The following MARCHF11 variants were observed in gnomAD, a reference collection of about 807,000 sequenced individuals.
MARCHF11 encodes the protein E3 ubiquitin-protein ligase MARCHF11.
A neutral mutation model predicts 37.3 loss-of-function variants in MARCHF11; 29 were observed. The observed-to-expected ratio is 0.78, with a 90% CI of 0.58 to 1.06. The LOEUF (loss-of-function observed/expected upper bound fraction) is 1.06. MARCHF11 is among the 50% of genes least tolerant of loss of function. The pLI, the probability that MARCHF11 is intolerant of heterozygous loss-of-function variation, is 0.00. For missense variants in MARCHF11, 482 were observed against 533.4 expected (o/e 0.90, Z 0.95); for synonymous variants, 233 against 228.0 (o/e 1.02, Z -0.20).
At chr5:16,142,572 T>C (rs923112065) in intron 2 of MARCHF11, among the ~76,000 whole-genome samples, 2 of 152,154 alleles carry the variant, frequency 1.3e-5, no homozygotes, top group African/African-American at 2.4e-5. Context: ...TATGGTGAGC[T>C]GTACAGTCTT....
chr5:16,126,162 A>G (rs1311277011), intron 2 of MARCHF11, among the ~76,000 whole-genome samples: 1 of 152,204 alleles, frequency 6.6e-6, no homozygotes, highest in Non-Finnish European at 1.5e-5. Flanking sequence ...ATTGTTAATG[A>G]AGGGATAAAG....
Position 16,091,001 on chromosome 5 carries a change from A to G in MARCHF11, c.774T>C (p.Ser258=), listed in dbSNP as rs1332763613. 2 of 1,612,036 alleles carry G rather than the reference A, an allele frequency of 1.2e-6. No homozygotes were observed. Among genetic ancestry groups the G allele is most frequent in the South Asian group, 2.2e-5 (2 of 90,764 alleles). ...AGGCTGACCAGAGGAGCCAAGTCAC[A>G]CTGGCTATTAAGAACAGGGATCCTA... ...VILGSLFLIA[S]VTWLLWSAFS... Residue 258 remains serine (S), a synonymous_variant, in exon 3 of 4, where the codon AGT becomes AGC. Coordinates refer to ENST00000332432, the MANE Select transcript of MARCHF11 (RefSeq NM_001102562.3).
At chr5:16,106,927 C>T (rs553857041) in intron 2 of MARCHF11, among the ~76,000 whole-genome samples, 35 of 152,240 alleles carry the variant, frequency 2.3e-4, no homozygotes, top group African/African-American at 8.2e-4. Flanking sequence ...GTCATATATT[C>T]TCACTCCTAC....
chr5:16,095,234 C>T (rs1261003650), intron 2 of MARCHF11, among the ~76,000 whole-genome samples: 2 of 152,168 alleles, frequency 1.3e-5, no homozygotes, highest in Non-Finnish European at 2.9e-5. Flanking sequence ...AGCTGTGAGT[C>T]ATTCCCTGCT....
At chr5:16,114,063 G>A (rs1560978699) in intron 2 of MARCHF11, among the ~76,000 whole-genome samples, 1 of 152,186 alleles carries the variant, frequency 6.6e-6, no homozygotes, top group East Asian at 1.9e-4. Context: ...TCTGTGCCTG[G>A]CTTATTTCAG....
chr5:16,133,378 G>C (rs986536896), intron 2 of MARCHF11, among the ~76,000 whole-genome samples: 1 of 152,140 alleles, frequency 6.6e-6, no homozygotes, highest in Non-Finnish European at 1.5e-5. Flanking sequence ...TCAGAGATCA[G>C]CCAGCCGCCA....
chr5:16,146,247 G>A (rs1737793635), intron 2 of MARCHF11, among the ~76,000 whole-genome samples: 1 of 152,120 alleles, frequency 6.6e-6, no homozygotes, highest in Admixed American at 6.5e-5. Flanking sequence ...GTGTCCCTAT[G>A]ACCTCTCGCA....
At chr5:16,146,152 C>T (rs1027076543) in intron 2 of MARCHF11, among the ~76,000 whole-genome samples, 2 of 152,284 alleles carry the variant, frequency 1.3e-5, no homozygotes, top group African/African-American at 2.4e-5. Context: ...TCTTCAGTCA[C>T]GAGTGGGTGA....
chr5:16,131,703 C>T (rs1341603654), intron 2 of MARCHF11, among the ~76,000 whole-genome samples: 3 of 152,144 alleles, frequency 2.0e-5, no homozygotes, highest in Non-Finnish European at 4.4e-5. Flanking sequence ...TGGTGGTCTC[C>T]CAGATCCATT....
chr5:16,179,601 C>G lies in MARCHF11; in HGVS notation c.-26G>C, dbSNP rs1738438593. 1 of 1,106,846 alleles carries G rather than the reference C, an allele frequency of 9.0e-7. No homozygotes were observed. Among genetic ancestry groups the G allele is most frequent in the Admixed American group, 5.1e-5 (1 of 19,448 alleles). The allele number at this position is 1,106,846 out of a possible 1,614,324, so 68.6% of individuals were successfully genotyped here. A position where few individuals can be genotyped will look rare whatever the true frequency, so the allele number is the denominator to read the frequency against. ...GGTTGTGCCGCCGCCGCCCTCCTGC[C>G]GGCCCGGCTGGCGGGCCGGGCTCTG... On this transcript the variant is annotated 5_prime_UTR_variant, in exon 1 of 4. Transcript: ENST00000332432.
At chr5:16,174,636 T>C (rs931182146) in intron 2 of MARCHF11, among the ~76,000 whole-genome samples, 1 of 152,238 alleles carries the variant, frequency 6.6e-6, no homozygotes, top group African/African-American at 2.4e-5. Flanking sequence ...CTTGTGAAAG[T>C]GCTTGAGGAT....
chr5:16,116,639 T>TA (rs1193269117), intron 2 of MARCHF11, among the ~76,000 whole-genome samples: 2,596 of 146,200 alleles, frequency 0.018, 65 homozygotes, highest in African/African-American at 0.06. Flanking sequence ...CTACTGGGAT[T>TA]AAAAAAAAAA....
chr5:16,107,647 G>C (rs990627069), intron 2 of MARCHF11, among the ~76,000 whole-genome samples: 8 of 152,018 alleles, frequency 5.3e-5, no homozygotes, highest in African/African-American at 1.7e-4. Context: ...GTGACAACAG[G>C]CATTCTTGTT....
intron 3 of MARCHF11, among the ~76,000 whole-genome samples, chr5:16,077,840 G>A (rs962129363): frequency 5.3e-5 from 8 of 152,224 alleles, no homozygotes; most frequent in Middle Eastern, 3.4e-3. Flanking sequence ...GGTGTATTCC[G>A]TGTTTTCCAT....
At chr5:16,119,403 A>C (rs1737276281) in intron 2 of MARCHF11, among the ~76,000 whole-genome samples, 1 of 151,340 alleles carries the variant, frequency 6.6e-6, no homozygotes, top group African/African-American at 2.4e-5. Context: ...GAAACAACTG[A>C]GGAACAAAAG....
chr5:16,067,548 T>C lies in MARCHF11; in HGVS notation c.1132A>G (p.Asn378Asp). Reference protein sequence around the residue: ...QCGYVLLHLFNRMRPHEDLSE... With the variant: ...QCGYVLLHLFDRMRPHEDLSE... Reference sequence around the variant, plus strand: ...AAGTCTTCATGGGGCCTCATCCGATTGAACAGGTGCAATAACACATAGCCA... The same window carrying C: ...AAGTCTTCATGGGGCCTCATCCGATCGAACAGGTGCAATAACACATAGCCA... Residue 378 changes from asparagine to aspartate, a missense_variant, in exon 4 of 4, where the codon AAT (asparagine) becomes GAT (aspartate). By Grantham distance (23) the Asn-to-Asp change is conservative. Coordinates refer to ENST00000332432, the MANE Select transcript of MARCHF11 (RefSeq NM_001102562.3). 1 of 1,613,976 alleles carries C rather than the reference T, an allele frequency of 6.2e-7. No homozygotes were observed. The highest frequency in any genetic ancestry group is 2.2e-5 in the East Asian group (1 of 44,880).
intron 2 of MARCHF11, among the ~76,000 whole-genome samples, chr5:16,174,178 G>C (rs763778343): frequency 6.6e-6 from 1 of 152,052 alleles, no homozygotes; most frequent in African/African-American, 2.4e-5. Context: ...ATATGTCCAC[G>C]CATTTCACTA....
intron 2 of MARCHF11, among the ~76,000 whole-genome samples, chr5:16,150,573 T>G (rs1447231688): frequency 7.1e-6 from 1 of 139,932 alleles, no homozygotes; most frequent in Non-Finnish European, 1.5e-5. Flanking sequence ...AGTGTAATGG[T>G]CAGGTCTGCG....
chr5:16,164,126 GT>G (rs1231781300), intron 2 of MARCHF11, among the ~76,000 whole-genome samples: 5 of 152,052 alleles, frequency 3.3e-5, no homozygotes, highest in Non-Finnish European at 5.9e-5. Flanking sequence ...GTCTGGTGTA[GT>G]TTGTTATAAC....
Sources: gnomAD v4.1 joint callset for allele counts (sites outside exome capture counted in the v4.1 genomes callset) on GRCh38, gnomAD v4.1.1 for gene constraint, MANE v1.5 for transcripts, NCBI Gene and HGNC (gene_info 2026-07-23, HGNC 2026-07-21) for gene names.